GLIS3: variants seen among roughly 807,000 people sequenced by gnomAD.
The protein encoded by GLIS3 is GLIS family zinc finger 3.
Under a neutral mutation model 78.6 loss-of-function variants are expected in GLIS3, and 53 were observed. The observed-to-expected ratio is 0.67, with a 90% confidence interval of 0.54 to 0.85. The LOEUF (loss-of-function observed/expected upper bound fraction) is 0.85. Among genes scored for constraint, GLIS3 ranks in the 40% least tolerant of loss-of-function variants. GLIS3 has a pLI of 0.00. For missense variants in GLIS3, 1,703 were observed against 1,231.1 expected (o/e 1.38, Z -5.74); for synonymous variants, 684 against 509.9 (o/e 1.34, Z -4.60).
chr9:4,302,512 G>A (rs1817116488), upstream of GLIS3, among the ~76,000 whole-genome samples: 1 of 152,216 alleles, frequency 6.6e-6, no homozygotes, highest in South Asian at 2.1e-4. Flanking sequence ...TTTGCCCAGT[G>A]TCTTAGTTGT....
chr9:3,898,644 G>A (rs1164493254), intron 7 of GLIS3, 47 bp downstream of exon 7: 1 of 1,611,794 alleles, frequency 6.2e-7, no homozygotes, highest in Non-Finnish European at 8.5e-7. Context: ...AGAGTAAAAG[G>A]CCTAAAAAAG....
chr9:4,249,986 A>G (rs12344167), intron 2 of GLIS3, among the ~76,000 whole-genome samples: 4,592 of 152,254 alleles, frequency 0.03, 243 homozygotes, highest in African/African-American at 0.1. Context: ...ACCGTGGTGG[A>G]TAAGCTTTTT....
Position 3,829,502 on chromosome 9 carries a change from A to G in GLIS3, c.2474-10T>C. 3 of 1,613,964 alleles carry G rather than the reference A, an allele frequency of 1.9e-6. No individual in the cohort carries two copies. Among genetic ancestry groups the G allele is most frequent in the Non-Finnish European group, 2.5e-6 (3 of 1,179,946 alleles). ...AGCTGCCCATAAAATCCTGAAACGC[A>G]AGCATGGCATTGAGCACAAGTTCCT... On this transcript the variant is annotated splice_polypyrimidine_tract_variant and intron_variant, in intron 9 of 10. Transcript: ENST00000381971.
At chr9:4,418,794 G>A in the GLIS3 span, among the ~76,000 whole-genome samples, 1 of 152,154 alleles carries the variant, frequency 6.6e-6, no homozygotes, top group Non-Finnish European at 1.5e-5. Flanking sequence ...ATTTGAGTTG[G>A]GTCTTTAAGA....
rs193240336 is a variant in GLIS3, at chr9:4,218,154, T to C, written c.388+67884A>G. Among the ~76,000 whole-genome samples the C allele has an allele frequency of 4.5e-4, 68 of 152,342 alleles. 1 individual carries two copies. The highest frequency in any genetic ancestry group is 4.4e-3 in the Admixed American group (68 of 15,312). Reference sequence around the variant, plus strand: ...AAAGCCACATGCCATCCTTAATTTGTCTCCTCCTTTCTGCTACCACATCGT... The same window carrying C: ...AAAGCCACATGCCATCCTTAATTTGCCTCCTCCTTTCTGCTACCACATCGT... On this transcript the variant is annotated intron_variant, in intron 2 of 10. Transcript: ENST00000381971.
At chr9:4,285,998 T>C (rs1270667710) in intron 2 of GLIS3, 40 bp downstream of exon 2, 1 of 1,613,072 alleles carries the variant, frequency 6.2e-7, no homozygotes, top group Non-Finnish European at 8.5e-7. Context: ...GAGAAAAAAA[T>C]CGTTTCCATT....
intron 8 of GLIS3, among the ~76,000 whole-genome samples, chr9:3,878,263 C>T (rs1821459894): frequency 6.6e-6 from 1 of 151,750 alleles, no homozygotes; most frequent in Non-Finnish European, 1.5e-5. Flanking sequence ...ATCATTTAAC[C>T]AAACAGCCTT....
chr9:3,873,489 G>A (rs1042360662), intron 8 of GLIS3, among the ~76,000 whole-genome samples: 5 of 152,086 alleles, frequency 3.3e-5, no homozygotes, highest in African/African-American at 1.2e-4. Flanking sequence ...CAGTTAAATA[G>A]AAGGAATAAA....
At chr9:3,843,873 G>T (rs1316260206) in intron 9 of GLIS3, among the ~76,000 whole-genome samples, 1 of 152,148 alleles carries the variant, frequency 6.6e-6, no homozygotes, top group African/African-American at 2.4e-5. Flanking sequence ...ACGTAAGAAG[G>T]GAGGGTTCAG....
chr9:4,217,195 C>T (rs574580904), intron 2 of GLIS3, among the ~76,000 whole-genome samples: 18 of 152,274 alleles, frequency 1.2e-4, no homozygotes, highest in African/African-American at 4.1e-4. Context: ...AACCCTAGCA[C>T]CCAAAGAGGA....
intron 2 of GLIS3, among the ~76,000 whole-genome samples, chr9:4,131,154 C>A (rs1296012289): frequency 3.9e-5 from 6 of 152,170 alleles, no homozygotes; most frequent in African/African-American, 1.4e-4. Flanking sequence ...AATGTCTGTA[C>A]CTCCATTGTA....
chr9:4,328,341 C>A (rs1817632571), intron 2 of GLIS3, among the ~76,000 whole-genome samples: 1 of 152,196 alleles, frequency 6.6e-6, no homozygotes, highest in African/African-American at 2.4e-5. Context: ...TTGAACAAAA[C>A]CAGAACCCAC....
chr9:4,399,257 A>C, the GLIS3 span, among the ~76,000 whole-genome samples: 3 of 152,216 alleles, frequency 2.0e-5, no homozygotes, highest in Non-Finnish European at 4.4e-5. Context: ...TCAAAATGTG[A>C]CTATGTACCC....
chr9:4,427,471 T>C, the GLIS3 span, among the ~76,000 whole-genome samples: 1 of 152,090 alleles, frequency 6.6e-6, no homozygotes, highest in Non-Finnish European at 1.5e-5. Flanking sequence ...GTATACACAC[T>C]CTTATATTCC....
chr9:4,380,149 G>C, the GLIS3 span, among the ~76,000 whole-genome samples: 1 of 152,338 alleles, frequency 6.6e-6, no homozygotes, highest in East Asian at 1.9e-4. Context: ...GCTGTATACA[G>C]CTAGGAGAAG....
chr9:4,219,644 G>A (rs1244593313), intron 2 of GLIS3, among the ~76,000 whole-genome samples: 1 of 152,184 alleles, frequency 6.6e-6, no homozygotes, highest in East Asian at 1.9e-4. Flanking sequence ...TTCCTAACTT[G>A]ATGTTAGTTA....
At chr9:3,872,368 T>A (rs1043605751) in intron 8 of GLIS3, among the ~76,000 whole-genome samples, 66 of 152,328 alleles carry the variant, frequency 4.3e-4, no homozygotes, top group African/African-American at 1.6e-3. Flanking sequence ...ACTCTACTGG[T>A]AGCAATTTAC....
intron 1 of GLIS3, among the ~76,000 whole-genome samples, chr9:4,298,648 T>C (rs1450289425): frequency 6.6e-6 from 1 of 152,152 alleles, no homozygotes; most frequent in Non-Finnish European, 1.5e-5. Context: ...TGAGACATTT[T>C]CCAAACAGTG....
At chr9:3,848,059 T>C (rs978319423) in intron 9 of GLIS3, among the ~76,000 whole-genome samples, 78 of 152,374 alleles carry the variant, frequency 5.1e-4, no homozygotes, top group African/African-American at 1.9e-3. Flanking sequence ...TATATTTATC[T>C]TTCTGGGATT....
Sources: allele counts gnomAD v4.1 joint callset (sites outside exome capture counted in the v4.1 genomes callset), GRCh38; gene constraint gnomAD v4.1.1; transcripts MANE v1.5; gene names NCBI Gene and HGNC (gene_info 2026-07-23, HGNC 2026-07-21).